The following FAT3 variants were observed in gnomAD, a reference collection of about 807,000 sequenced individuals.
FAT3 encodes the protein FAT atypical cadherin 3.
In FAT3, 95 loss-of-function variants were observed where a neutral mutation model predicts 310.2. The ratio of observed to expected loss-of-function variants is 0.31; its 90% CI spans 0.26 to 0.36. FAT3 has a LOEUF of 0.36. FAT3 is among the 10% of genes least tolerant of loss of function. FAT3 has a pLI of 1.00. For synonymous variants in FAT3, 2,314 were observed against 2,192.9 expected (o/e 1.06, Z -1.54); for missense variants, 5,408 against 5,715.6 (o/e 0.95, Z 1.74).
At chr11:92,785,226 G>A (rs1409099539) in intron 7 of FAT3, among the ~76,000 whole-genome samples, 1 of 151,992 alleles carries the variant, frequency 6.6e-6, no homozygotes, top group South Asian at 2.1e-4. Context: ...CCATAATCTG[G>A]TTGCATTTAT....
At position 92,354,085 on chromosome 11, in the gene FAT3, G is replaced by A. The variant is rs757123759; in HGVS notation, c.1973G>A (p.Gly658Glu). The change falls in exon 2 of 28, where the codon GGA becomes GAA. Residue 658 changes from glycine to glutamate, a missense_variant. Transcript: ENST00000525166. ...NFALRITATDGENLADPMSIN... is the reference protein window; with the variant it reads ...NFALRITATDEENLADPMSIN... ...GCCCTCAGAATTACAGCAACTGATG[G>A]AGAGAATCTTGCAGACCCCATGTCT... The A allele has an allele frequency of 1.9e-6, 3 of 1,613,582 alleles. No homozygotes were observed. Among genetic ancestry groups the A allele is most frequent in the African/African-American group, 1.3e-5 (1 of 74,904 alleles).
intron 16 of FAT3, among the ~76,000 whole-genome samples, chr11:92,836,907 T>C (rs1948423528): frequency 6.6e-6 from 1 of 152,080 alleles, no homozygotes; most frequent in Non-Finnish European, 1.5e-5. Context: ...GTTATGGAGG[T>C]TTTAAAGAAA....
chr11:92,500,041 A>C (rs1952890053), intron 2 of FAT3, among the ~76,000 whole-genome samples: 2 of 152,018 alleles, frequency 1.3e-5, no homozygotes, highest in Non-Finnish European at 2.9e-5. Context: ...TAAAATTTAA[A>C]ATGTTTTCAT....
intron 1 of FAT3, among the ~76,000 whole-genome samples, chr11:92,348,813 A>T (rs1054700586): frequency 6.6e-6 from 1 of 152,092 alleles, no homozygotes; most frequent in African/African-American, 2.4e-5. Context: ...TAATTTCTTG[A>T]TTCAGTTTCC....
intron 2 of FAT3, among the ~76,000 whole-genome samples, chr11:92,420,538 C>G (rs1950514544): frequency 6.6e-6 from 1 of 152,104 alleles, no homozygotes; most frequent in Admixed American, 6.5e-5. Flanking sequence ...TTCAGCAGTT[C>G]CAGAAGACAT....
chr11:92,672,159 AATGTG>A (rs751299585), intron 3 of FAT3, among the ~76,000 whole-genome samples: 11 of 152,168 alleles, frequency 7.2e-5, no homozygotes, highest in Non-Finnish European at 1.5e-4. Flanking sequence ...ATAACGAATG[AATGTG>A]ATTTCTACCA....
intron 3 of FAT3, among the ~76,000 whole-genome samples, chr11:92,534,669 A>G (rs769674023): frequency 1.3e-5 from 2 of 152,144 alleles, no homozygotes; most frequent in Non-Finnish European, 2.9e-5. Context: ...TGTCCTCATA[A>G]ACAGAGAGAA....
intron 27 of FAT3, 140 bp from the exon 28 acceptor site, chr11:92,890,351 C>A: frequency 9.9e-7 from 1 of 1,009,800 alleles, no homozygotes. Flanking sequence ...GCATGGCTGG[C>A]CCCATAGACC....
chr11:92,300,928 T>G (rs574130699), intron 1 of FAT3, among the ~76,000 whole-genome samples: 22 of 152,184 alleles, frequency 1.4e-4, no homozygotes, highest in South Asian at 4.1e-4. Flanking sequence ...ATTGTTTCGT[T>G]GTTCTGGTAC....
At position 92,328,083 on chromosome 11, in the gene FAT3, C is replaced by T. The variant is rs576952983; in HGVS notation, c.-17-24013C>T. On this transcript the variant is annotated intron_variant, in intron 1 of 27. Coordinates refer to ENST00000525166, the MANE Select transcript of FAT3 (RefSeq NM_001367949.2). The stretch of plus-strand genomic sequence containing the variant: ...CAGTTCCTGTCTTGTTCCTGCTGCT[C>T]ATCCATTTAGGATTTGAGTATCTCT... Among the ~76,000 whole-genome samples the T allele has an allele frequency of 3.3e-5, 5 of 152,290 alleles. No homozygotes were observed. The South Asian group carries it at 8.3e-4, about 25-fold the overall frequency.
intron 1 of FAT3, among the ~76,000 whole-genome samples, chr11:92,270,615 G>A (rs991045343): frequency 6.6e-6 from 1 of 152,044 alleles, no homozygotes; most frequent in Non-Finnish European, 1.5e-5. Context: ...GAACCCAGGA[G>A]GCAGAGGTTG....
intron 4 of FAT3, among the ~76,000 whole-genome samples, chr11:92,742,535 C>T (rs1416153929): frequency 6.6e-6 from 1 of 152,190 alleles, no homozygotes; most frequent in Non-Finnish European, 1.5e-5. Flanking sequence ...GCAACCATGT[C>T]GGAGGTAGAA....
chr11:92,528,368 GTGTTCACT>G (rs1953945988), intron 3 of FAT3, among the ~76,000 whole-genome samples: 1 of 152,180 alleles, frequency 6.6e-6, no homozygotes, highest in Admixed American at 6.5e-5. Context: ...CATCAGGCCG[GTGTTCACT>G]TGCCTCTTTG....
chr11:92,470,824 A>G (rs974781030), intron 2 of FAT3, among the ~76,000 whole-genome samples: 1 of 152,212 alleles, frequency 6.6e-6, no homozygotes, highest in Non-Finnish European at 1.5e-5. Flanking sequence ...TCCAATTCTT[A>G]AAGAGTCATC....
chr11:92,229,697 G>A (rs962160620), intron 1 of FAT3, among the ~76,000 whole-genome samples: 3 of 150,422 alleles, frequency 2.0e-5, no homozygotes, highest in Non-Finnish European at 4.4e-5. Flanking sequence ...TCAGTTACAT[G>A]TAATAGTGAC....
chr11:92,598,190 T>G (rs534686986), intron 3 of FAT3, among the ~76,000 whole-genome samples: 1 of 147,402 alleles, frequency 6.8e-6, no homozygotes, highest in African/African-American at 2.5e-5. Flanking sequence ...AAATTTATTT[T>G]CATGTATATA....
chr11:92,507,577 A>T (rs1012688744), intron 2 of FAT3, among the ~76,000 whole-genome samples: 1 of 151,944 alleles, frequency 6.6e-6, no homozygotes, highest in South Asian at 2.1e-4. Flanking sequence ...CACATATCCT[A>T]TATCTGTACA....
chr11:92,509,575 G>A (rs1033086987), intron 2 of FAT3, among the ~76,000 whole-genome samples: 4 of 152,298 alleles, frequency 2.6e-5, no homozygotes, highest in Non-Finnish European at 4.4e-5. Flanking sequence ...GGCAGTGATG[G>A]AGGAGAGAAC....
At chr11:92,466,048 A>G (rs979290390) in intron 2 of FAT3, among the ~76,000 whole-genome samples, 1 of 152,190 alleles carries the variant, frequency 6.6e-6, no homozygotes, top group Admixed American at 6.6e-5. Flanking sequence ...AATTCTATAC[A>G]GCAGGTACTA....
Sources: allele counts gnomAD v4.1 joint callset (sites outside exome capture counted in the v4.1 genomes callset), GRCh38; gene constraint gnomAD v4.1.1; transcripts MANE v1.5; gene names NCBI Gene and HGNC (gene_info 2026-07-23, HGNC 2026-07-21).